Variants in DRC11 observed in about 807,000 individuals in gnomAD.
DRC11 encodes the protein dynein regulatory complex subunit 11.
chr2:236,425,222 T>G, the DRC11 span, among the ~76,000 whole-genome samples: 2 of 152,038 alleles, frequency 1.3e-5, no homozygotes, highest in Non-Finnish European at 2.9e-5. Flanking sequence ...TTTCATTTTT[T>G]GAGGAACTTC....
chr2:236,432,460 T>A, the DRC11 span, among the ~76,000 whole-genome samples: 1 of 152,202 alleles, frequency 6.6e-6, no homozygotes, highest in South Asian at 2.1e-4. Context: ...TTTGTCAGTG[T>A]AGTTTTAATT....
At chr2:236,495,119 G>A in the DRC11 span, among the ~76,000 whole-genome samples, 1 of 152,064 alleles carries the variant, frequency 6.6e-6, no homozygotes, top group Non-Finnish European at 1.5e-5. This position sits in a 1 kb window ranked among gnomAD's most constrained non-coding sequence, Gnocchi z 5.6. Context: ...GAGGCAGGTG[G>A]ATCACCTGAG....
chr2:236,450,594 A>C, the DRC11 span, among the ~76,000 whole-genome samples: 2 of 152,000 alleles, frequency 1.3e-5, no homozygotes, highest in Non-Finnish European at 2.9e-5. Context: ...CTGGGATTAT[A>C]GGCGTGAGCC....
the DRC11 span, among the ~76,000 whole-genome samples, chr2:236,338,586 C>G: frequency 2.0e-5 from 3 of 152,132 alleles, no homozygotes; most frequent in Non-Finnish European, 4.4e-5. Context: ...GTCAGTGTTT[C>G]CTTTCCTCAA....
chr2:236,423,557 G>T, the DRC11 span, among the ~76,000 whole-genome samples: 6 of 152,210 alleles, frequency 3.9e-5, no homozygotes, highest in Non-Finnish European at 5.9e-5. Flanking sequence ...AACAACAGGT[G>T]CTGGAGAGGA....
At chr2:236,330,642 T>A in the DRC11 span, among the ~76,000 whole-genome samples, 29 of 152,216 alleles carry the variant, frequency 1.9e-4, no homozygotes, top group Non-Finnish European at 1.2e-4. This position sits in a 1 kb window ranked among gnomAD's most constrained non-coding sequence, Gnocchi z 5.5. Context: ...TTCTGGTGAC[T>A]GCACAGCCAA....
At chr2:236,451,656 C>T in the DRC11 span, among the ~76,000 whole-genome samples, 13 of 152,222 alleles carry the variant, frequency 8.5e-5, no homozygotes, top group South Asian at 2.7e-3. Flanking sequence ...CCCAGTGGAG[C>T]CCACTGGCCA....
At chr2:236,374,689 T>G in the DRC11 span, among the ~76,000 whole-genome samples, 1 of 151,922 alleles carries the variant, frequency 6.6e-6, no homozygotes, top group Non-Finnish European at 1.5e-5. Context: ...TGTTTTTATT[T>G]GTATTATTAT....
chr2:236,388,930 G>A, the DRC11 span, among the ~76,000 whole-genome samples: 85 of 152,322 alleles, frequency 5.6e-4, 2 homozygotes, highest in East Asian at 0.013. Flanking sequence ...TGTGTGAGGT[G>A]TCAGTATGCC....
chr2:236,358,706 G>T, the DRC11 span, among the ~76,000 whole-genome samples: 2 of 149,056 alleles, frequency 1.3e-5, no homozygotes, highest in Admixed American at 6.7e-5. Context: ...TCAAAGCTCT[G>T]ATGAGGTAGG....
At chr2:236,391,770 A>C in the DRC11 span, among the ~76,000 whole-genome samples, 1 of 152,188 alleles carries the variant, frequency 6.6e-6, no homozygotes, top group Non-Finnish European at 1.5e-5. This position sits in a 1 kb window ranked among gnomAD's most constrained non-coding sequence, Gnocchi z 4.5. Flanking sequence ...TGTTACTCTC[A>C]GATGGTTGGG....
chr2:236,488,958 T>C, the DRC11 span, among the ~76,000 whole-genome samples: 4,218 of 135,994 alleles, frequency 0.031, 84 homozygotes, highest in Non-Finnish European at 0.046. Flanking sequence ...TCCAGGTACA[T>C]GCTGGGACCT....
At chr2:236,399,600 C>T in the DRC11 span, 2 of 845,730 alleles carry the variant, frequency 2.4e-6, no homozygotes, top group South Asian at 1.5e-5. This position sits in a 1 kb window ranked among gnomAD's most constrained non-coding sequence, Gnocchi z 7.0. Flanking sequence ...AGTCCTGGTC[C>T]CCCTGGGCAG....
chr2:236,459,546 C>CATGTATACGTATATATGT, the DRC11 span, among the ~76,000 whole-genome samples: 4 of 118,154 alleles, frequency 3.4e-5, no homozygotes, highest in Non-Finnish European at 6.9e-5. Flanking sequence ...TATACGTATA[C>CATGTATACGTATATATGT]GTATACATGT....
the DRC11 span, among the ~76,000 whole-genome samples, chr2:236,415,314 G>C: frequency 2.0e-5 from 3 of 152,176 alleles, no homozygotes; most frequent in Admixed American, 2.0e-4. This position sits in a 1 kb window ranked among gnomAD's most constrained non-coding sequence, Gnocchi z 5.7. Flanking sequence ...TGAGGGCTGG[G>C]ATAAGCCAGC....
the DRC11 span, among the ~76,000 whole-genome samples, chr2:236,454,258 C>G: frequency 6.6e-6 from 1 of 152,288 alleles, no homozygotes; most frequent in East Asian, 1.9e-4. This position sits in a 1 kb window ranked among gnomAD's most constrained non-coding sequence, Gnocchi z 5.3. Flanking sequence ...CCAAGAGAGC[C>G]TAGAGCTGCT....
chr2:236,484,600 CTTTT>C, the DRC11 span, among the ~76,000 whole-genome samples: 2 of 137,498 alleles, frequency 1.5e-5, no homozygotes, highest in Non-Finnish European at 3.2e-5. Context: ...ATATTCTTGG[CTTTT>C]TTTTTTTTTG....
chr2:236,451,548 T>C, the DRC11 span, among the ~76,000 whole-genome samples: 3 of 152,188 alleles, frequency 2.0e-5, no homozygotes, highest in African/African-American at 4.8e-5. Flanking sequence ...TGCTGTGAAT[T>C]AATCTTTTCT....
the DRC11 span, among the ~76,000 whole-genome samples, chr2:236,384,491 C>T: frequency 1.3e-5 from 2 of 152,214 alleles, no homozygotes; most frequent in Admixed American, 6.5e-5. Flanking sequence ...TCATGTCCTT[C>T]ACCCACTTTT....
Sources: gnomAD v4.1 joint callset for allele counts (sites outside exome capture counted in the v4.1 genomes callset) on GRCh38, gnomAD v4.1.1 for gene constraint, Gnocchi (gnomAD v3.1) non-coding constraint, MANE v1.5 for transcripts, NCBI Gene and HGNC (gene_info 2026-07-23, HGNC 2026-07-21) for gene names.